Variants in RPS6KA2 observed in about 807,000 individuals in gnomAD.
RPS6KA2 encodes ribosomal protein S6 kinase A2.
Under a neutral mutation model 91.8 loss-of-function variants are expected in RPS6KA2, and 42 were observed. The observed-to-expected ratio is 0.46, with a 90% CI of 0.36 to 0.59. The LOEUF (loss-of-function observed/expected upper bound fraction) is 0.59. Among genes scored for constraint, RPS6KA2 ranks in the 20% least tolerant of loss-of-function variants. RPS6KA2 has a pLI of 0.00. For missense variants in RPS6KA2, 798 were observed against 978.5 expected (o/e 0.82, Z 2.46); for synonymous variants, 414 against 393.6 (o/e 1.05, Z -0.61).
At chr6:166,830,138 AAAAGAAAGAAAGAAAG>A (rs200116355) in intron 2 of RPS6KA2, among the ~76,000 whole-genome samples, 1 of 129,042 alleles carries the variant, frequency 7.7e-6, no homozygotes, top group Non-Finnish European at 1.7e-5. Flanking sequence ...AAAAAAAAAA[AAAAGAAAGAAAGAAAG>A]AAAGAAAGAA....
intron 2 of RPS6KA2, among the ~76,000 whole-genome samples, chr6:166,822,147 A>C (rs1444925145): frequency 2.0e-5 from 3 of 152,210 alleles, no homozygotes; most frequent in Non-Finnish European, 2.9e-5. Context: ...ATTTTAAAGA[A>C]AATCTGACTC....
intron 11 of RPS6KA2, among the ~76,000 whole-genome samples, chr6:166,466,165 C>G (rs6906990): frequency 1.3e-5 from 2 of 152,322 alleles, no homozygotes; most frequent in Non-Finnish European, 2.9e-5. Context: ...TTTGAAATCA[C>G]GCAGAAATGC....
Position 166,529,353 on chromosome 6 carries a change from T to C in RPS6KA2, c.298+1879A>G, listed in dbSNP as rs375314425. On this transcript the variant is annotated intron_variant, in intron 3 of 20. Transcript: ENST00000265678. ...ACCAAACACCACATGTTTTCACTCA[T>C]AGGTGGGAATTGAACAACGAGAACC... Among the ~76,000 whole-genome samples the C allele has an allele frequency of 2.6e-5, 4 of 151,968 alleles. No homozygotes were observed. The East Asian group carries it at 5.8e-4, about 22-fold the overall frequency.
At chr6:166,600,823 T>C (rs1785706199) in intron 1 of RPS6KA2, among the ~76,000 whole-genome samples, 2 of 152,254 alleles carry the variant, frequency 1.3e-5, no homozygotes. Context: ...GGAATATGCA[T>C]GCATTTTGAA....
At chr6:166,688,475 G>T (rs1380014594) in intron 2 of RPS6KA2, among the ~76,000 whole-genome samples, 4 of 152,250 alleles carry the variant, frequency 2.6e-5, no homozygotes, top group African/African-American at 7.2e-5. Flanking sequence ...GGGTTCACAA[G>T]TCAGGACCAA....
At chr6:166,551,542 C>A (rs1784023414) in intron 1 of RPS6KA2, among the ~76,000 whole-genome samples, 1 of 152,210 alleles carries the variant, frequency 6.6e-6, no homozygotes. Context: ...ACGTGCAGAT[C>A]ATCATTTAGC....
chr6:166,576,104 T>C (rs1380189153), intron 1 of RPS6KA2, among the ~76,000 whole-genome samples: 3 of 152,202 alleles, frequency 2.0e-5, no homozygotes, highest in Non-Finnish European at 4.4e-5. Flanking sequence ...TTCTTTCTCA[T>C]TATCTCTTGC....
rs117946833 is a variant in RPS6KA2 at position 166,811,323 on chromosome 6, T to C, written c.123+46877A>G. Among the ~76,000 whole-genome samples, 908 of 152,352 alleles carry C rather than the reference T, an allele frequency of 6.0e-3. 4 individuals are homozygous for C. The highest frequency in any genetic ancestry group is 9.2e-3 in the Non-Finnish European group (627 of 68,038). ...CAGACAGAGCTTGCCCAGAATGTTA[T>C]TTTCTTGGCTGTGTTTTCAAATTGT... is the stretch of plus-strand genomic sequence containing the variant. On this transcript the variant is annotated intron_variant, in intron 2 of 21. Transcript: ENST00000503859.
In RPS6KA2 at chr6:166,726,097, T is replaced by G. The variant is rs914609447; in HGVS notation, c.123+132103A>C. ...GTGAAAACACGTGGCTTTTAGGTCC[T>G]ACAGAAATGCCCTTAGGCTACAATA... On this transcript the variant is annotated intron_variant, in intron 2 of 21. Coordinates refer to the RPS6KA2 transcript ENST00000503859. This position sits in a 1 kb window ranked among gnomAD's most constrained non-coding sequence, Gnocchi z 4.4. Among the ~76,000 whole-genome samples, 1 of 152,002 alleles carries G rather than the reference T, an allele frequency of 6.6e-6. No individual in the cohort carries two copies. The highest frequency in any genetic ancestry group is 2.4e-5 in the African/African-American group (1 of 41,318).
At position 166,445,411 on chromosome 6, in the gene RPS6KA2, G is replaced by C. The variant is rs1021764044; in HGVS notation, c.1332+3313C>G. Among the ~76,000 whole-genome samples the C allele has an allele frequency of 6.6e-5, 10 of 152,330 alleles. No homozygotes were observed. In the East Asian group the frequency reaches 1.5e-3, roughly 24 times the overall value. On this transcript the variant is annotated intron_variant, in intron 14 of 20. Coordinates refer to ENST00000265678, the MANE Select transcript of RPS6KA2 (RefSeq NM_021135.6). This position sits in a 1 kb window ranked among gnomAD's most constrained non-coding sequence, Gnocchi z 4.5. The stretch of plus-strand genomic sequence containing the variant: ...CTGCTCTCACCCACAAGGATGCTGA[G>C]GCTGGGCTTCTCAACCTTTCGTTGG...
intron 1 of RPS6KA2, among the ~76,000 whole-genome samples, chr6:166,566,775 T>A (rs532615675): frequency 4.6e-5 from 7 of 152,256 alleles, no homozygotes; most frequent in Non-Finnish European, 1.5e-5. Context: ...TCTGAGCCAG[T>A]CCCTGACAGC....
chr6:166,741,875 C>T (rs567646318), intron 2 of RPS6KA2, among the ~76,000 whole-genome samples: 236 of 152,326 alleles, frequency 1.5e-3, no homozygotes, highest in African/African-American at 3.9e-3. Context: ...ACCTGTAATC[C>T]CAGCACTTTA....
intron 17 of RPS6KA2, among the ~76,000 whole-genome samples, chr6:166,421,422 T>A (rs1778715361): frequency 6.6e-6 from 1 of 152,184 alleles, no homozygotes; most frequent in Non-Finnish European, 1.5e-5. Flanking sequence ...GTGTCCTCCA[T>A]TTGTCTAAAA....
intron 1 of RPS6KA2, among the ~76,000 whole-genome samples, chr6:166,590,011 G>A (rs1368266818): frequency 1.3e-5 from 2 of 152,136 alleles, no homozygotes; most frequent in African/African-American, 2.4e-5. Flanking sequence ...CAGCTTGATT[G>A]GGGTGCTCAG....
At chr6:166,647,202 A>T (rs563556528) in intron 2 of RPS6KA2, among the ~76,000 whole-genome samples, 2 of 151,990 alleles carry the variant, frequency 1.3e-5, no homozygotes, top group Non-Finnish European at 2.9e-5. Context: ...AATGACACTG[A>T]TGTCATCATG....
intron 2 of RPS6KA2, among the ~76,000 whole-genome samples, chr6:166,783,902 C>G (rs1778852799): frequency 3.4e-5 from 2 of 59,464 alleles, no homozygotes; most frequent in Non-Finnish European, 6.2e-5. Flanking sequence ...CACGTGCACA[C>G]CTACGCATCA....
chr6:166,834,303 T>C lies in RPS6KA2; in HGVS notation c.123+23897A>G, dbSNP rs556319580. On this transcript the variant is annotated intron_variant, in intron 2 of 21. Coordinates refer to the RPS6KA2 transcript ENST00000503859. ...AAATGACTCATGATGTTGAGCATCT[T>C]TTCACACACTCATTTGCCGTTCTCA... Among the ~76,000 whole-genome samples the C allele has an allele frequency of 5.9e-5, 9 of 152,324 alleles. No homozygotes were observed. The East Asian group carries it at 1.7e-3, about 29-fold the overall frequency.
chr6:166,788,863 A>T (rs948237239), intron 2 of RPS6KA2, among the ~76,000 whole-genome samples: 1 of 152,176 alleles, frequency 6.6e-6, no homozygotes, highest in Admixed American at 6.5e-5. Context: ...AAAAAATAAA[A>T]ATAAAATAGG....
intron 2 of RPS6KA2, among the ~76,000 whole-genome samples, chr6:166,764,841 C>T (rs1047053360): frequency 2.0e-5 from 3 of 152,232 alleles, no homozygotes; most frequent in African/African-American, 7.2e-5. Context: ...ACGTATTTCA[C>T]ACATTTACAC....
Sources: allele counts gnomAD v4.1 joint callset (sites outside exome capture counted in the v4.1 genomes callset), GRCh38; gene constraint gnomAD v4.1.1; non-coding constraint Gnocchi (gnomAD v3.1); transcripts MANE v1.5; gene names NCBI Gene and HGNC (gene_info 2026-07-23, HGNC 2026-07-21).